Variants in TMEM114 observed in about 807,000 individuals in gnomAD.
TMEM114 encodes the protein claudin-26.
A neutral mutation model predicts 6.2 loss-of-function variants in TMEM114; 6 were observed. That is an observed-to-expected ratio of 0.97 (90% CI 0.53 to 1.91). The LOEUF (loss-of-function observed/expected upper bound fraction) is 1.91. Ranked by LOEUF, TMEM114 falls within the 40% of genes most tolerant of loss-of-function variation. The pLI, the probability that TMEM114 is intolerant of heterozygous loss-of-function variation, is 0.01. For synonymous variants in TMEM114, 104 were observed against 73.0 expected, an observed-to-expected ratio of 1.42 and a Z score of -2.16; for missense variants, 218 against 158.3, an observed-to-expected ratio of 1.38 and a Z score of -2.02.
At chr16:8,528,021 G>C in the TMEM114 span, among the ~76,000 whole-genome samples, 1 of 151,934 alleles carries the variant, frequency 6.6e-6, no homozygotes, top group Non-Finnish European at 1.5e-5. Context: ...TTATTCTCCC[G>C]CCTCAGCTTC....
In TMEM114 at chr16:8,572,166, C is replaced by G. The variant is rs1901755986; in HGVS notation, c.360G>C (p.Gly120=). The change falls in exon 3 of 4, where the codon GGG becomes GGC. Residue 120 remains glycine, a synonymous_variant. Transcript: ENST00000620492. ...GGAAGCTCAGAAACCCCGTCATCCC[C>G]CCAAAAACCATCAGGATCAGGCTGA... is the stretch of plus-strand genomic sequence containing the variant. ...LPLSLILMVF[G]GMTGFLSFLL... The G allele has an allele frequency of 6.4e-7, 1 of 1,551,490 alleles. No individual in the cohort carries two copies. Among genetic ancestry groups the G allele is most frequent in the African/African-American group, 1.4e-5 (1 of 73,002 alleles).
chr16:8,528,416 C>G, the TMEM114 span, among the ~76,000 whole-genome samples: 2 of 152,102 alleles, frequency 1.3e-5, no homozygotes, highest in African/African-American at 4.8e-5. Flanking sequence ...ACTCTGCTGC[C>G]CCTTCTGACC....
At chr16:8,532,068 T>C in the TMEM114 span, 9 of 152,216 alleles carry the variant, frequency 5.9e-5, no homozygotes, top group African/African-American at 2.2e-4. Flanking sequence ...TGGGAATGCT[T>C]ACCTGGCTCA....
At chr16:8,553,644 C>A (rs1247404693) in intron 2 of TMEM114, among the ~76,000 whole-genome samples, 1 of 152,092 alleles carries the variant, frequency 6.6e-6, no homozygotes, top group Non-Finnish European at 1.5e-5. Flanking sequence ...TGCCATCACG[C>A]CTCCTATTTT....
chr16:8,569,907 G>T lies in TMEM114; in HGVS notation c.538C>A (p.Gln180Lys). 1 of 1,551,198 alleles carries T rather than the reference G, an allele frequency of 6.4e-7. No homozygotes were observed. Among genetic ancestry groups the T allele is most frequent in the Non-Finnish European group, 8.7e-7 (1 of 1,146,960 alleles). The change falls in exon 4 of 4, where the codon CAG (glutamine) becomes AAG (lysine). Residue 180 changes from glutamine (Q) to lysine (K), a missense_variant. Physicochemically the swap from Gln to Lys is moderately conservative, Grantham distance 53. Coordinates refer to ENST00000620492, the MANE Select transcript of TMEM114 (RefSeq NM_001146336.2). ...GACCAGCCGAAGCTGATGTCCACCT[G>T]GTCCAGGAGGGCCTTCTCCTCCAAG... ...CLLEEKALLD[Q>K]VDISFGWSLA...
intron 2 of TMEM114, among the ~76,000 whole-genome samples, chr16:8,562,197 T>C (rs528362326): frequency 6.6e-6 from 1 of 151,114 alleles, no homozygotes; most frequent in African/African-American, 2.4e-5. Flanking sequence ...AGTGAGTGAA[T>C]GAGTCAGTGA....
intron 2 of TMEM114, among the ~76,000 whole-genome samples, chr16:8,549,524 A>G (rs567462930): frequency 4.0e-5 from 6 of 150,964 alleles, no homozygotes; most frequent in East Asian, 1.9e-4. Context: ...AAAAGAATGC[A>G]TGATCTCAAA....
At chr16:8,563,619 G>GAATGAGTGAGTGAATGAGTA (rs1189750509) in intron 2 of TMEM114, among the ~76,000 whole-genome samples, 1 of 149,364 alleles carries the variant, frequency 6.7e-6, no homozygotes, top group Non-Finnish European at 1.5e-5. Flanking sequence ...ATGAGTGACT[G>GAATGAGTGAGTGAATGAGTA]AATGAGTGAG....
chr16:8,579,622 T>C (rs1902066590), intron 2 of TMEM114, among the ~76,000 whole-genome samples: 2 of 152,152 alleles, frequency 1.3e-5, no homozygotes, highest in Non-Finnish European at 2.9e-5. Context: ...ACATCATCGC[T>C]CAAAAGCCTC....
chr16:8,567,256 C>A (rs775500384), downstream of TMEM114, among the ~76,000 whole-genome samples: 1 of 152,102 alleles, frequency 6.6e-6, no homozygotes, highest in Admixed American at 6.5e-5. Flanking sequence ...CTGTCTGAAT[C>A]TCTCAGATAG....
chr16:8,586,648 T>C (rs1329720820), intron 2 of TMEM114, among the ~76,000 whole-genome samples: 1 of 152,122 alleles, frequency 6.6e-6, no homozygotes, highest in Non-Finnish European at 1.5e-5. Flanking sequence ...TAGCTGGGAC[T>C]ACAGGCAGGT....
intron 2 of TMEM114, among the ~76,000 whole-genome samples, chr16:8,564,126 T>G (rs1217128083): frequency 2.0e-5 from 3 of 149,970 alleles, no homozygotes; most frequent in Non-Finnish European, 2.9e-5. Context: ...AGTGAATGAG[T>G]GAGTTAGTGA....
In TMEM114 at chr16:8,569,903, A is replaced by C. The variant is rs756172089; in HGVS notation, c.542T>G (p.Val181Gly). 1 of 1,551,200 alleles carries C rather than the reference A, an allele frequency of 6.4e-7. No individual in the cohort carries two copies. Among genetic ancestry groups the C allele is most frequent in the Non-Finnish European group, 8.7e-7 (1 of 1,146,946 alleles). The stretch of plus-strand genomic sequence containing the variant: ...CAGGGACCAGCCGAAGCTGATGTCC[A>C]CCTGGTCCAGGAGGGCCTTCTCCTC... ...LLEEKALLDQ[V>G]DISFGWSLAL... The change falls in exon 4 of 4, where the codon GTG (valine) becomes GGG (glycine). Residue 181 changes from valine (V) to glycine (G), a missense_variant. By Grantham distance (109) the Val-to-Gly change is moderately radical. Coordinates refer to ENST00000620492, the MANE Select transcript of TMEM114 (RefSeq NM_001146336.2).
downstream of TMEM114, among the ~76,000 whole-genome samples, chr16:8,568,094 G>C (rs748504384): frequency 2.0e-5 from 3 of 152,120 alleles, no homozygotes; most frequent in Non-Finnish European, 4.4e-5. Context: ...TCCCAGTTGC[G>C]TCCCTTTCTC....
downstream of TMEM114, among the ~76,000 whole-genome samples, chr16:8,565,834 T>C (rs997345462): frequency 3.9e-5 from 6 of 152,158 alleles, no homozygotes; most frequent in Non-Finnish European, 7.3e-5. Context: ...TTTGGCTCCA[T>C]TGGGGCCCCA....
chr16:8,536,261 C>T (rs967508648), downstream of TMEM114, among the ~76,000 whole-genome samples: 3 of 151,920 alleles, frequency 2.0e-5, no homozygotes, highest in African/African-American at 7.3e-5. Flanking sequence ...GAAACACATC[C>T]TGAATCCCAA....
intron 2 of TMEM114, among the ~76,000 whole-genome samples, chr16:8,544,024 G>A (rs956550765): frequency 3.3e-5 from 5 of 152,094 alleles, no homozygotes; most frequent in African/African-American, 9.7e-5. Context: ...GAAGCGCAAC[G>A]CTAAATGCCA....
At chr16:8,543,868 A>T (rs1681566883) in intron 2 of TMEM114, among the ~76,000 whole-genome samples, 1 of 152,222 alleles carries the variant, frequency 6.6e-6, no homozygotes, top group Non-Finnish European at 1.5e-5. Context: ...GAGTAACCTA[A>T]CGCTTTGTCA....
intron 2 of TMEM114, among the ~76,000 whole-genome samples, chr16:8,559,768 G>A (rs1901139557): frequency 6.6e-6 from 1 of 152,146 alleles, no homozygotes; most frequent in Non-Finnish European, 1.5e-5. Context: ...TGCCGACTTC[G>A]TTCTGCTGAT....
Sources: gnomAD v4.1 joint callset for allele counts (sites outside exome capture counted in the v4.1 genomes callset) on GRCh38, gnomAD v4.1.1 for gene constraint, MANE v1.5 for transcripts, NCBI Gene and HGNC (gene_info 2026-07-23, HGNC 2026-07-21) for gene names.